The following FHIT variants were observed in gnomAD, a reference collection of about 807,000 sequenced individuals.
FHIT encodes fragile histidine triad diadenosine triphosphatase.
In FHIT, 19 loss-of-function variants were observed where a neutral mutation model predicts 17.9. The observed-to-expected ratio is 1.06, with a 90% CI of 0.74 to 1.56. The LOEUF is 1.56. Ranked by LOEUF, FHIT falls within the 40% of genes most tolerant of loss-of-function variation. The pLI is 0.00. For missense variants in FHIT, 248 were observed against 189.2 expected, an observed-to-expected ratio of 1.31 and a Z score of -1.82; for synonymous variants, 81 against 69.7, an observed-to-expected ratio of 1.16 and a Z score of -0.81.
Position 61,228,315 on chromosome 3 carries a change from G to A in FHIT, c.-213+22986C>T, listed in dbSNP as rs545211136. ...AAGTAACATTCTTATCATCAAGGGC[G>A]GGATACTGAGACCAAGAGAACTCTG... is the stretch of plus-strand genomic sequence containing the variant. On this transcript the variant is annotated intron_variant, in intron 1 of 9. Transcript: ENST00000492590. 3.3e-5 allele frequency among the ~76,000 whole-genome samples: 5 copies of A among 152,162 alleles called. No homozygotes were observed. In the East Asian group the frequency reaches 5.8e-4, roughly 18 times the overall value.
At chr3:60,727,416 T>C (rs1299790719) in intron 4 of FHIT, among the ~76,000 whole-genome samples, 3 of 152,172 alleles carry the variant, frequency 2.0e-5, no homozygotes, top group South Asian at 2.1e-4. Flanking sequence ...AGAGCAGCTA[T>C]GGCAAAGACA....
At chr3:60,297,074 G>A (rs1012644177) in intron 5 of FHIT, among the ~76,000 whole-genome samples, 5 of 152,066 alleles carry the variant, frequency 3.3e-5, no homozygotes, top group Non-Finnish European at 5.9e-5. Flanking sequence ...CTGGATGATA[G>A]ACTAATTCCT....
intron 5 of FHIT, among the ~76,000 whole-genome samples, chr3:60,049,374 T>A (rs1339512486): frequency 6.6e-6 from 1 of 152,224 alleles, no homozygotes; most frequent in Non-Finnish European, 1.5e-5. Flanking sequence ...TTTGTAATTT[T>A]AATTTATCTT....
At chr3:59,954,445 G>C (rs1251913827) in intron 7 of FHIT, among the ~76,000 whole-genome samples, 2 of 152,082 alleles carry the variant, frequency 1.3e-5, no homozygotes, top group African/African-American at 4.8e-5. Flanking sequence ...GCTCTTTGGA[G>C]ACAAATAACT....
At chr3:61,179,779 G>A (rs528901683) in intron 2 of FHIT, among the ~76,000 whole-genome samples, 13 of 144,612 alleles carry the variant, frequency 9.0e-5, no homozygotes, top group South Asian at 4.6e-4. Context: ...AAAACCAATC[G>A]CAGATGAGTC....
intron 7 of FHIT, among the ~76,000 whole-genome samples, chr3:59,990,133 T>C (rs370822520): frequency 1.1e-3 from 171 of 152,222 alleles, no homozygotes; most frequent in Middle Eastern, 6.8e-3. Flanking sequence ...CCATGGATGA[T>C]TGTAATTTCC....
intron 5 of FHIT, among the ~76,000 whole-genome samples, chr3:60,520,994 T>A (rs1010680550): frequency 6.6e-6 from 1 of 152,290 alleles, no homozygotes; most frequent in Admixed American, 6.5e-5. Context: ...TCATATCAAA[T>A]GCCTATAAAT....
At chr3:60,067,146 G>A (rs947127505) in intron 5 of FHIT, among the ~76,000 whole-genome samples, 4 of 152,134 alleles carry the variant, frequency 2.6e-5, no homozygotes, top group African/African-American at 9.7e-5. Flanking sequence ...TCATGAACAT[G>A]AGTCTCTATT....
At chr3:60,741,848 T>C (rs1265557138) in intron 4 of FHIT, among the ~76,000 whole-genome samples, 5 of 152,240 alleles carry the variant, frequency 3.3e-5, no homozygotes, top group African/African-American at 1.2e-4. Flanking sequence ...CAGTGTGGTA[T>C]AATGTATGGT....
At chr3:60,317,924 G>A (rs1709239396) in intron 5 of FHIT, among the ~76,000 whole-genome samples, 2 of 151,770 alleles carry the variant, frequency 1.3e-5, no homozygotes, top group African/African-American at 4.8e-5. Context: ...CCTAGTAGCT[G>A]GGACTACAGG....
chr3:60,591,659 T>C (rs1361834140), intron 4 of FHIT, among the ~76,000 whole-genome samples: 2 of 152,096 alleles, frequency 1.3e-5, no homozygotes, highest in South Asian at 2.1e-4. Context: ...CTCTTCCATA[T>C]GTTACACTAT....
intron 5 of FHIT, among the ~76,000 whole-genome samples, chr3:60,501,252 G>A (rs997733184): frequency 6.6e-6 from 1 of 152,074 alleles, no homozygotes; most frequent in African/African-American, 2.4e-5. Context: ...TTCAATATAC[G>A]TTTAATGTTT....
At chr3:60,933,405 A>G (rs1220974240) in intron 3 of FHIT, among the ~76,000 whole-genome samples, 3 of 152,352 alleles carry the variant, frequency 2.0e-5, no homozygotes, top group Middle Eastern at 3.4e-3. Context: ...GAAATTAATA[A>G]TGTGATATAT....
intron 8 of FHIT, among the ~76,000 whole-genome samples, chr3:59,889,418 C>G (rs1160548710): frequency 3.9e-5 from 6 of 152,198 alleles, no homozygotes; most frequent in African/African-American, 7.2e-5. Flanking sequence ...GCACACGTAC[C>G]ACAGGCCATT....
rs55784416 is a variant in FHIT at position 60,880,729 on chromosome 3, C to T, written c.-110-58718G>A. On this transcript the variant is annotated intron_variant, in intron 3 of 9. Coordinates refer to ENST00000492590, the MANE Select transcript of FHIT (RefSeq NM_002012.4). ...CCTGGGCAACAAGAGTGAAACTCAT[C>T]TCAAAAACAAACAACAACAACAACA... 1.6e-3 allele frequency among the ~76,000 whole-genome samples: 219 copies of T among 133,434 alleles called. 1 individual carries two copies. The highest frequency in any genetic ancestry group is 5.3e-3 in the African/African-American group (214 of 40,686). 87.5% of individuals were successfully genotyped at this position (133,434 alleles called of 152,430 possible).
chr3:60,871,498 A>T (rs142550748), intron 3 of FHIT, among the ~76,000 whole-genome samples: 11 of 152,298 alleles, frequency 7.2e-5, no homozygotes, highest in African/African-American at 2.4e-4. Flanking sequence ...ATTTTTAAAA[A>T]TAGTAAGTTT....
At chr3:60,209,378 A>T (rs1703346213) in intron 5 of FHIT, among the ~76,000 whole-genome samples, 1 of 152,108 alleles carries the variant, frequency 6.6e-6, no homozygotes, top group African/African-American at 2.4e-5. Context: ...ATCTGTTAGA[A>T]CCCTGTGACC....
chr3:60,011,108 C>T (rs1700118193), intron 7 of FHIT, among the ~76,000 whole-genome samples: 1 of 152,152 alleles, frequency 6.6e-6, no homozygotes, highest in East Asian at 1.9e-4. Flanking sequence ...ACTTATGTTT[C>T]CGGACTCCTT....
chr3:60,253,688 T>C (rs181550988), intron 5 of FHIT, among the ~76,000 whole-genome samples: 2 of 152,276 alleles, frequency 1.3e-5, no homozygotes, highest in African/African-American at 2.4e-5. Flanking sequence ...CTGTTAACTA[T>C]GGAAACAAGG....
Sources: allele counts gnomAD v4.1 joint callset (sites outside exome capture counted in the v4.1 genomes callset), GRCh38; gene constraint gnomAD v4.1.1; transcripts MANE v1.5; gene names NCBI Gene and HGNC (gene_info 2026-07-23, HGNC 2026-07-21).